The following ATP10A variants were observed in gnomAD, a reference collection of about 807,000 sequenced individuals.
ATP10A encodes the protein phospholipid-transporting ATPase VA.
ATP10A carries 111 observed loss-of-function variants against 147.8 expected under a neutral mutation model. The observed-to-expected ratio is 0.75, with a 90% confidence interval of 0.64 to 0.88. ATP10A has a LOEUF of 0.88. Ranked by LOEUF, ATP10A falls within the 40% of genes least tolerant of loss-of-function variation. The probability of loss-of-function intolerance (pLI) is 0.00; values close to 1 mark genes in which losing one functional copy is unlikely to be tolerated. For synonymous variants in ATP10A, 875 were observed against 841.6 expected (o/e 1.04, Z -0.69); for missense variants, 1,927 against 1,959.0 (o/e 0.98, Z 0.31).
Position 25,862,980 on chromosome 15 carries a change from G to A in ATP10A, c.117C>T (p.Asp39=), listed in dbSNP as rs549242041. 13 of 1,446,568 alleles carry A rather than the reference G, an allele frequency of 9.0e-6. No individual in the cohort carries two copies. Among genetic ancestry groups the A allele is most frequent in the South Asian group, 1.5e-5 (1 of 68,942 alleles). 89.6% of individuals were successfully genotyped at this position (1,446,568 alleles called of 1,614,324 possible). A position where few individuals can be genotyped will look rare whatever the true frequency, so the allele number is the denominator to read the frequency against. Residue 39 remains aspartate (D), a synonymous_variant, in exon 1 of 21, where the codon GAC becomes GAT. Coordinates refer to ENST00000555815, the MANE Select transcript of ATP10A (RefSeq NM_024490.4). The stretch of plus-strand genomic sequence containing the variant: ...CGCCCTTGGCCGCGCCAGCCGCAGG[G>A]TCCTCGGCGCCCGGGGGCGGCAGCA... The part of the protein sequence containing the change: ...SNLLPPPGAE[D]PAAGAAKGER...
intron 12 of ATP10A, among the ~76,000 whole-genome samples, chr15:25,706,809 A>C (rs1233084942): frequency 1.3e-5 from 2 of 152,172 alleles, no homozygotes; most frequent in Admixed American, 1.3e-4. Flanking sequence ...CCCACAGTGA[A>C]GGGTTAAAAA....
chr15:25,864,053 G>A (rs1056694805), upstream of ATP10A, among the ~76,000 whole-genome samples: 3 of 151,732 alleles, frequency 2.0e-5, no homozygotes, highest in Admixed American at 6.6e-5. Flanking sequence ...CATGAGGACC[G>A]AAACGCTCCT....
At chr15:25,782,178 C>T (rs1027552699) in intron 1 of ATP10A, among the ~76,000 whole-genome samples, 3 of 152,126 alleles carry the variant, frequency 2.0e-5, no homozygotes, top group Non-Finnish European at 4.4e-5. Context: ...ACAACTCTTG[C>T]CGGTTCCACT....
intron 1 of ATP10A, among the ~76,000 whole-genome samples, chr15:25,792,648 C>T (rs1216088518): frequency 3.9e-5 from 6 of 152,110 alleles, no homozygotes; most frequent in African/African-American, 1.4e-4. Context: ...GGGTGAGGCC[C>T]GCGTTTAGAA....
intron 2 of ATP10A, among the ~76,000 whole-genome samples, chr15:25,745,497 G>T (rs771435227): frequency 2.6e-4 from 39 of 151,996 alleles, no homozygotes; most frequent in Non-Finnish European, 5.1e-4. Context: ...CAAAGCAGGA[G>T]GATTGCTTGA....
At chr15:25,844,244 T>C (rs919834624) in intron 1 of ATP10A, among the ~76,000 whole-genome samples, 2 of 152,140 alleles carry the variant, frequency 1.3e-5, no homozygotes, top group African/African-American at 4.8e-5. Flanking sequence ...TGCCATTCAG[T>C]AGAAGGGACC....
chr15:25,736,615 T>TGAGTGAGCCAAC (rs1887299384), intron 2 of ATP10A, among the ~76,000 whole-genome samples: 1 of 152,092 alleles, frequency 6.6e-6, no homozygotes, highest in Non-Finnish European at 1.5e-5. Context: ...ACATAGCCAA[T>TGAGTGAGCCAAC]GAGTGAGCCA....
chr15:25,678,634 C>G (rs184249997), downstream of ATP10A: 1 of 152,146 alleles, frequency 6.6e-6, no homozygotes. Context: ...ACTTGCCTTA[C>G]GGAAGTGCCC....
intron 2 of ATP10A, among the ~76,000 whole-genome samples, chr15:25,774,700 A>G (rs1889521860): frequency 6.6e-6 from 1 of 152,104 alleles, no homozygotes; most frequent in Non-Finnish European, 1.5e-5. Context: ...TAAAAAAAAA[A>G]TCTTCTTCGG....
intron 1 of ATP10A, among the ~76,000 whole-genome samples, chr15:25,855,565 CACACACACAT>C (rs1015722558): frequency 2.4e-4 from 36 of 151,860 alleles, no homozygotes; most frequent in African/African-American, 8.7e-4. Flanking sequence ...CACACACACA[CACACACACAT>C]ACATGCAAAC....
intron 10 of ATP10A, among the ~76,000 whole-genome samples, chr15:25,712,501 T>A (rs1364940557): frequency 6.6e-6 from 1 of 151,300 alleles, no homozygotes; most frequent in Non-Finnish European, 1.5e-5. Flanking sequence ...GGACCCCTTA[T>A]GTTGTCTTGA....
chr15:25,773,974 A>G (rs1596860320), intron 2 of ATP10A, among the ~76,000 whole-genome samples: 1 of 152,082 alleles, frequency 6.6e-6, no homozygotes, highest in African/African-American at 2.4e-5. Flanking sequence ...GAAGTTTCAA[A>G]CCCTTTGCAA....
upstream of ATP10A, among the ~76,000 whole-genome samples, chr15:25,863,391 C>T (rs903600759): frequency 3.3e-5 from 5 of 152,056 alleles, no homozygotes; most frequent in Non-Finnish European, 5.9e-5. Flanking sequence ...TCGTTTCCGC[C>T]GCGGTGGCCA....
chr15:25,833,053 G>T (rs1013829523), intron 1 of ATP10A, among the ~76,000 whole-genome samples: 2 of 149,464 alleles, frequency 1.3e-5, no homozygotes, highest in Non-Finnish European at 3.0e-5. Flanking sequence ...TGTGATCTCG[G>T]CTCACTGCAA....
At chr15:25,745,737 T>C (rs1456407684) in intron 2 of ATP10A, among the ~76,000 whole-genome samples, 1 of 152,218 alleles carries the variant, frequency 6.6e-6, no homozygotes, top group Non-Finnish European at 1.5e-5. Context: ...CAAGAGTATG[T>C]AAGTTGGAAG....
At chr15:25,705,630 C>T (rs945888475) in intron 12 of ATP10A, among the ~76,000 whole-genome samples, 2 of 152,076 alleles carry the variant, frequency 1.3e-5, no homozygotes, top group African/African-American at 4.8e-5. Flanking sequence ...CCAGCTCAGG[C>T]CTCGTCATTT....
chr15:25,724,991 G>T (rs1219719555), intron 5 of ATP10A, among the ~76,000 whole-genome samples: 1 of 152,130 alleles, frequency 6.6e-6, no homozygotes, highest in Non-Finnish European at 1.5e-5. Flanking sequence ...TTAAAGCAGG[G>T]GTCCCTAATC....
chr15:25,718,461 C>A, intron 7 of ATP10A, 62 bp from the exon 8 acceptor site: 1 of 1,501,764 alleles, frequency 6.7e-7, no homozygotes, highest in Non-Finnish European at 9.0e-7. Context: ...CAGAAAGAAA[C>A]CATTCAGTGT....
intron 1 of ATP10A, among the ~76,000 whole-genome samples, chr15:25,807,456 C>A (rs370685656): frequency 6.6e-6 from 1 of 152,264 alleles, no homozygotes; most frequent in East Asian, 1.9e-4. Flanking sequence ...TGAACACTCC[C>A]TGTGAAATAA....
Sources: gnomAD v4.1 joint callset for allele counts (sites outside exome capture counted in the v4.1 genomes callset) on GRCh38, gnomAD v4.1.1 for gene constraint, MANE v1.5 for transcripts, NCBI Gene and HGNC (gene_info 2026-07-23, HGNC 2026-07-21) for gene names.